CSMD2: variants seen among roughly 807,000 people sequenced by gnomAD.
CSMD2 encodes CUB and sushi domain-containing protein 2.
Under a neutral mutation model 398.5 loss-of-function variants are expected in CSMD2, and 130 were observed. That is an observed-to-expected ratio of 0.33 (90% CI 0.28 to 0.38). The LOEUF (loss-of-function observed/expected upper bound fraction) is 0.38. Among genes scored for constraint, CSMD2 ranks in the 10% least tolerant of loss-of-function variants. The pLI is 1.00. For missense variants in CSMD2, 3,829 were observed against 4,764.9 expected (o/e 0.80, Z 5.78); for synonymous variants, 1,828 against 1,908.5 (o/e 0.96, Z 1.10).
rs937710093 is a variant in CSMD2, at chr1:33,549,312, C to T, written c.8917+865G>A. 1.2e-4 allele frequency among the ~76,000 whole-genome samples: 18 copies of T among 152,124 alleles called. No homozygotes were observed. The East Asian group carries it at 1.4e-3, about 11-fold the overall frequency. On this transcript the variant is annotated intron_variant, in intron 56 of 70. Coordinates refer to ENST00000373381, the MANE Select transcript of CSMD2 (RefSeq NM_001281956.2). The stretch of plus-strand genomic sequence containing the variant: ...GGGTTAATTTCAATGCCAAGGTGGG[C>T]CCTCCGAGGAACATCAAGCTGCACA...
At chr1:33,527,679 G>T (rs1345713283) in intron 64 of CSMD2, among the ~76,000 whole-genome samples, 1 of 152,066 alleles carries the variant, frequency 6.6e-6, no homozygotes, top group Non-Finnish European at 1.5e-5. Context: ...ATTTCTACTG[G>T]TGACAAAGTC....
chr1:34,003,861 G>C (rs1276520098), intron 3 of CSMD2, among the ~76,000 whole-genome samples: 1 of 152,144 alleles, frequency 6.6e-6, no homozygotes, highest in Admixed American at 6.5e-5. Context: ...GTCTTGGTCC[G>C]AGGCCTTTCA....
In CSMD2 at chr1:34,051,310, T is replaced by G. The variant is rs566816271; in HGVS notation, c.405-18604A>C. On this transcript the variant is annotated intron_variant, in intron 2 of 70. Transcript: ENST00000373381. ...TGATGCTTGCTGAAGACAAAGGGAATACAGAATGGGTAGTGAAAGAGTTAG... is the reference window on the plus strand; with the variant it reads ...TGATGCTTGCTGAAGACAAAGGGAAGACAGAATGGGTAGTGAAAGAGTTAG... Among the ~76,000 whole-genome samples the G allele has an allele frequency of 6.6e-5, 10 of 152,288 alleles. No homozygotes were observed. The South Asian group carries it at 1.0e-3, about 16-fold the overall frequency.
At chr1:33,962,214 C>T (rs577429588) in intron 3 of CSMD2, among the ~76,000 whole-genome samples, 2 of 152,218 alleles carry the variant, frequency 1.3e-5, no homozygotes, top group African/African-American at 4.8e-5. Context: ...TGCTTCCCTC[C>T]CTCTGTTCAG....
chr1:33,733,026 C>T (rs760414196), intron 15 of CSMD2, among the ~76,000 whole-genome samples: 4 of 152,190 alleles, frequency 2.6e-5, no homozygotes, highest in African/African-American at 4.8e-5. Context: ...AGGATTTAAA[C>T]CTGGGCAGTC....
intron 5 of CSMD2, among the ~76,000 whole-genome samples, chr1:33,860,298 T>C (rs1458236902): frequency 6.6e-6 from 1 of 152,212 alleles, no homozygotes; most frequent in Non-Finnish European, 1.5e-5. Context: ...ACTGATCAGG[T>C]ATTTGGTAGA....
chr1:33,691,726 A>G (rs905463780), intron 25 of CSMD2, among the ~76,000 whole-genome samples: 29 of 152,066 alleles, frequency 1.9e-4, no homozygotes, highest in African/African-American at 6.8e-4. Flanking sequence ...TGGTGGACCG[A>G]CGCTGCTCAA....
At chr1:33,832,872 T>C (rs1249989415) in intron 6 of CSMD2, among the ~76,000 whole-genome samples, 1 of 152,144 alleles carries the variant, frequency 6.6e-6, no homozygotes, top group Non-Finnish European at 1.5e-5. Flanking sequence ...ACTACAAACA[T>C]TTCTACGCAA....
rs1641744106 is a variant in CSMD2, at chr1:34,164,978, C to T, written c.120G>A (p.Pro40=). The change falls in exon 1 of 71, where the codon CCG becomes CCA. Residue 40 remains proline, a synonymous_variant. Transcript: ENST00000373381. This position sits in a 1 kb window ranked among gnomAD's most constrained non-coding sequence, Gnocchi z 6.2. ...GCAGCAGAGGCGGCGGCGTTGGCGG[C>T]GGCGGGCGGCCCCAGCGGCTCCCGG... ...PGAGSRWGRP[P]PPTPPPLLLL... 1 of 1,212,252 alleles carries T rather than the reference C, an allele frequency of 8.2e-7. No homozygotes were observed. The highest frequency in any genetic ancestry group is 1.0e-6 in the Non-Finnish European group (1 of 975,826). The allele number at this position is 1,212,252 out of a possible 1,614,324, so 75.1% of individuals were successfully genotyped here.
chr1:34,147,151 G>A (rs1401456762), intron 1 of CSMD2, among the ~76,000 whole-genome samples: 13 of 152,172 alleles, frequency 8.5e-5, no homozygotes, highest in Middle Eastern at 3.4e-3. Flanking sequence ...CCAGCTACTC[G>A]GGAGGCTGAG....
At chr1:33,647,619 A>T (rs978348394) in intron 28 of CSMD2, among the ~76,000 whole-genome samples, 2 of 152,260 alleles carry the variant, frequency 1.3e-5, no homozygotes, top group Admixed American at 6.5e-5. Flanking sequence ...AATGTGAGGC[A>T]TTAAGAAGGA....
chr1:34,114,791 T>C (rs1333736490), intron 1 of CSMD2, among the ~76,000 whole-genome samples: 1 of 151,928 alleles, frequency 6.6e-6, no homozygotes, highest in African/African-American at 2.4e-5. Flanking sequence ...GAATTCAAAA[T>C]CATTGTCTTT....
Position 33,707,692 on chromosome 1 carries a change from C to T in CSMD2, c.3576+1397G>A, listed in dbSNP as rs201959733. 6.1e-3 allele frequency among the ~76,000 whole-genome samples: 228 copies of T among 37,558 alleles called. 1 individual carries two copies. The highest frequency in any genetic ancestry group is 6.0e-3 in the Non-Finnish European group (125 of 20,778). The allele number at this position is 37,558 out of a possible 152,430, so 24.6% of individuals were successfully genotyped here. A position where few individuals can be genotyped will look rare whatever the true frequency, so the allele number is the denominator to read the frequency against. Reference sequence around the variant, plus strand: ...ACACGCACGCGTGCACACGCGCGCGCGCGCACACACACACACACACACACA... The same window carrying T: ...ACACGCACGCGTGCACACGCGCGCGTGCGCACACACACACACACACACACA... On this transcript the variant is annotated intron_variant, in intron 22 of 70. Transcript: ENST00000373381.
intron 6 of CSMD2, among the ~76,000 whole-genome samples, chr1:33,837,038 C>G (rs929567835): frequency 6.6e-6 from 1 of 152,200 alleles, no homozygotes; most frequent in Non-Finnish European, 1.5e-5. Context: ...GACATCACTT[C>G]CAGATGCTGG....
At chr1:33,821,537 G>C (rs114046259) in intron 7 of CSMD2, among the ~76,000 whole-genome samples, 1 of 152,090 alleles carries the variant, frequency 6.6e-6, no homozygotes, top group Non-Finnish European at 1.5e-5. Context: ...GACAGCATTC[G>C]GCATTTTCCA....
intron 15 of CSMD2, among the ~76,000 whole-genome samples, chr1:33,731,632 A>G (rs1244237121): frequency 6.6e-6 from 1 of 152,154 alleles, no homozygotes; most frequent in Non-Finnish European, 1.5e-5. Context: ...CTGCAACAAC[A>G]AAAAAATCTC....
intron 1 of CSMD2, among the ~76,000 whole-genome samples, chr1:34,132,892 TTTTC>T (rs1638283796): frequency 1.3e-5 from 2 of 152,172 alleles, no homozygotes; most frequent in Non-Finnish European, 2.9e-5. Flanking sequence ...ATTGTGGGGC[TTTTC>T]AGCCTTCATA....
At chr1:33,707,473 G>T (rs1027624644) in intron 22 of CSMD2, among the ~76,000 whole-genome samples, 12 of 152,158 alleles carry the variant, frequency 7.9e-5, no homozygotes, top group Non-Finnish European at 1.5e-5. Flanking sequence ...TATTGGAAGG[G>T]CATAAAACCC....
intron 57 of CSMD2, among the ~76,000 whole-genome samples, chr1:33,544,422 A>G (rs1404273193): frequency 6.6e-6 from 1 of 151,502 alleles, no homozygotes; most frequent in African/African-American, 2.4e-5. Flanking sequence ...CGGCCTCCAT[A>G]TTTGTCTTGT....
Sources: allele counts gnomAD v4.1 joint callset (sites outside exome capture counted in the v4.1 genomes callset), GRCh38; gene constraint gnomAD v4.1.1; non-coding constraint Gnocchi (gnomAD v3.1); transcripts MANE v1.5; gene names NCBI Gene and HGNC (gene_info 2026-07-23, HGNC 2026-07-21).